Variants in NCS1 observed in about 807,000 individuals in gnomAD.
The protein encoded by NCS1 is neuronal calcium sensor 1, also known as frequenin homolog.
In NCS1, 6 loss-of-function variants were observed where a neutral mutation model predicts 28.4. The observed-to-expected ratio is 0.21, with a 90% CI of 0.12 to 0.42. The LOEUF (loss-of-function observed/expected upper bound fraction) is 0.42, where lower values mean the gene tolerates loss of function less well. NCS1 is among the 10% of genes least tolerant of loss of function. The probability of loss-of-function intolerance (pLI) is 1.00; values close to 1 mark genes in which losing one functional copy is unlikely to be tolerated. For missense variants in NCS1, 131 were observed against 241.4 expected (o/e 0.54, Z 3.03); for synonymous variants, 86 against 99.3 (o/e 0.87, Z 0.79).
chr9:130,220,729 G>GTTTCTT (rs1180311297), intron 4 of NCS1, among the ~76,000 whole-genome samples: 2 of 151,672 alleles, frequency 1.3e-5, no homozygotes, highest in Non-Finnish European at 2.9e-5. Flanking sequence ...AGACCCTGCA[G>GTTTCTT]TTTCTTTTTC....
chr9:130,213,016 C>G (rs1038507561), intron 2 of NCS1, among the ~76,000 whole-genome samples: 1 of 152,156 alleles, frequency 6.6e-6, no homozygotes, highest in African/African-American at 2.4e-5. Context: ...GAGGCAGGCT[C>G]CCTCCTCCAC....
intron 1 of NCS1, among the ~76,000 whole-genome samples, chr9:130,178,483 C>T (rs1437995637): frequency 6.6e-6 from 1 of 152,198 alleles, no homozygotes; most frequent in Non-Finnish European, 1.5e-5. Flanking sequence ...GGACCCAGCT[C>T]CTGCTGCTCC....
rs1554913001 is a variant in NCS1 at position 130,235,992 on chromosome 9, G to A, written c.*3020G>A. 1 of 152,306 alleles carries A rather than the reference G, an allele frequency of 6.6e-6. No individual in the cohort carries two copies. Among genetic ancestry groups the A allele is most frequent in the African/African-American group, 2.4e-5 (1 of 41,460 alleles). 9.4% of individuals were successfully genotyped at this position (152,306 alleles called of 1,614,324 possible). ...ACTTTGTGTTGATGGTGACTTAGGA[G>A]AATGTTCCGATTTTCCATGATCTAA... On this transcript the variant is annotated 3_prime_UTR_variant, in exon 8 of 8. Coordinates refer to ENST00000372398, the MANE Select transcript of NCS1 (RefSeq NM_014286.4).
chr9:130,219,689 G>A lies in NCS1; in HGVS notation c.229-36G>A. 1.2e-6 allele frequency: 2 copies of A among 1,607,288 alleles called. No individual in the cohort carries two copies. The highest frequency in any genetic ancestry group is 1.7e-6 in the Non-Finnish European group (2 of 1,173,836). Reference sequence around the variant, plus strand: ...TCAGCCTGACCCGGTGGCCTGGCCGGCACTGACTGAGGCAATCCCCTCTCT... The same window carrying A: ...TCAGCCTGACCCGGTGGCCTGGCCGACACTGACTGAGGCAATCCCCTCTCT... On this transcript the variant is annotated intron_variant, in intron 3 of 7. Coordinates refer to ENST00000372398, the MANE Select transcript of NCS1 (RefSeq NM_014286.4). This position sits in a 1 kb window ranked among gnomAD's most constrained non-coding sequence, Gnocchi z 5.7.
chr9:130,182,748 C>T (rs1426843396), intron 1 of NCS1, among the ~76,000 whole-genome samples: 1 of 152,246 alleles, frequency 6.6e-6, no homozygotes, highest in African/African-American at 2.4e-5. Context: ...GTACCGCCAT[C>T]TTACGGTGCT....
intron 1 of NCS1, among the ~76,000 whole-genome samples, chr9:130,187,896 G>A (rs1353244853): frequency 6.6e-6 from 1 of 152,252 alleles, no homozygotes; most frequent in Non-Finnish European, 1.5e-5. Flanking sequence ...AGGCCACACA[G>A]CTTTGTGTCT....
chr9:130,185,573 C>T (rs1398209244), intron 1 of NCS1, among the ~76,000 whole-genome samples: 2 of 152,184 alleles, frequency 1.3e-5, no homozygotes, highest in African/African-American at 2.4e-5. Context: ...GGGTCCAAGC[C>T]GCCAGCCAGC....
chr9:130,176,879 T>G (rs975941210), intron 1 of NCS1, among the ~76,000 whole-genome samples: 5 of 152,212 alleles, frequency 3.3e-5, no homozygotes, highest in Non-Finnish European at 7.3e-5. Flanking sequence ...CTGCATCCCC[T>G]TAAAGGCTTC....
chr9:130,186,525 C>T lies in NCS1; in HGVS notation c.64+13798C>T, dbSNP rs991241696. 3.3e-5 allele frequency among the ~76,000 whole-genome samples: 5 copies of T among 151,968 alleles called. No homozygotes were observed. Among genetic ancestry groups the T allele is most frequent in the South Asian group, 2.1e-4 (1 of 4,816 alleles). On this transcript the variant is annotated intron_variant, in intron 1 of 7. Transcript: ENST00000372398. The surrounding 1 kb of genome is among the most constrained non-coding windows in gnomAD (Gnocchi z 4.1). ...TTGCGGGGAGGGTTTGTGTGGGGGACGATGAGAGTGCTTCAGGCAGCAGGA... is the reference window on the plus strand; with the variant it reads ...TTGCGGGGAGGGTTTGTGTGGGGGATGATGAGAGTGCTTCAGGCAGCAGGA...
At chr9:130,208,233 G>A (rs531221593) in intron 2 of NCS1, among the ~76,000 whole-genome samples, 1 of 102,690 alleles carries the variant, frequency 9.7e-6, no homozygotes, top group South Asian at 4.0e-4. Context: ...GTGGGGGTGG[G>A]GGGCGGGTGT....
chr9:130,224,350 C>G (rs1460412989), intron 6 of NCS1, among the ~76,000 whole-genome samples: 2 of 146,966 alleles, frequency 1.4e-5, no homozygotes, highest in Non-Finnish European at 3.0e-5. Context: ...GGAGATCGCG[C>G]CATTGCACTC....
chr9:130,191,737 C>G lies in NCS1; in HGVS notation c.65-9221C>G, dbSNP rs1173739745. Among the ~76,000 whole-genome samples the G allele has an allele frequency of 2.0e-5, 3 of 152,268 alleles. No homozygotes were observed. Among genetic ancestry groups the G allele is most frequent in the Non-Finnish European group, 4.4e-5 (3 of 68,050 alleles). On this transcript the variant is annotated intron_variant, in intron 1 of 7. Coordinates refer to ENST00000372398, the MANE Select transcript of NCS1 (RefSeq NM_014286.4). The surrounding 1 kb of genome is among the most constrained non-coding windows in gnomAD (Gnocchi z 6.4). ...GGCGACAGTGGCCGTCACAGCTGCT[C>G]ACTGCTGCACATGGCGGTCTGATGG...
intron 2 of NCS1, among the ~76,000 whole-genome samples, chr9:130,216,831 G>A (rs1554909455): frequency 1.3e-5 from 2 of 151,882 alleles, no homozygotes; most frequent in South Asian, 2.1e-4. Context: ...GCTAATAGCC[G>A]GTGTTGGTGA....
Position 130,236,760 on chromosome 9 carries a change from C to T in NCS1, c.*3788C>T, listed in dbSNP as rs1833600768. On this transcript the variant is annotated 3_prime_UTR_variant, in exon 8 of 8. Coordinates refer to ENST00000372398, the MANE Select transcript of NCS1 (RefSeq NM_014286.4). The stretch of plus-strand genomic sequence containing the variant: ...TGTTGTCCCTGTTCCTGCAGTGGCT[C>T]CCGGCCCCAGGGAGGCCCACCTCAC... 6.6e-6 allele frequency: 1 copy of T among 152,312 alleles called. No homozygotes were observed. Among genetic ancestry groups the T allele is most frequent in the Non-Finnish European group, 1.5e-5 (1 of 68,118 alleles). The allele number at this position is 152,312 out of a possible 1,614,324, so 9.4% of individuals were successfully genotyped here. A position where few individuals can be genotyped will look rare whatever the true frequency, so the allele number is the denominator to read the frequency against.
At chr9:130,199,098 CT>C (rs10712829) in intron 1 of NCS1, among the ~76,000 whole-genome samples, 103,410 of 145,072 alleles carry the variant, frequency 0.71, 36,928 homozygotes, top group East Asian at 0.92. Flanking sequence ...CTCTCTTTCT[CT>C]TTTTTTTTTT....
chr9:130,186,398 T>C lies in NCS1; in HGVS notation c.64+13671T>C, dbSNP rs150641726. Among the ~76,000 whole-genome samples the C allele has an allele frequency of 7.1e-4, 108 of 152,296 alleles. No homozygotes were observed. The highest frequency in any genetic ancestry group is 2.6e-3 in the African/African-American group (106 of 41,556). On this transcript the variant is annotated intron_variant, in intron 1 of 7. Transcript: ENST00000372398. The surrounding 1 kb of genome is among the most constrained non-coding windows in gnomAD (Gnocchi z 4.1). ...GACCCGGGGCTAGGGTTGCCAGACA[T>C]ACTGAAAAATGATTTGCTGTTTACC...
At chr9:130,202,864 G>A (rs544764836) in intron 2 of NCS1, among the ~76,000 whole-genome samples, 1 of 152,160 alleles carries the variant, frequency 6.6e-6, no homozygotes, top group East Asian at 1.9e-4. Flanking sequence ...ACAGGAGTGA[G>A]CCACTGCACG....
In NCS1 at chr9:130,209,353, C is replaced by T. The variant is rs1254186269; in HGVS notation, c.89+8371C>T. ...GAGAGTGGCAAATTCGGGGGAAGTC[C>T]TAGAGGACCGGGGCGTTTGGGAGAC... is the stretch of plus-strand genomic sequence containing the variant. On this transcript the variant is annotated intron_variant, in intron 2 of 7. Transcript: ENST00000372398. This position sits in a 1 kb window ranked among gnomAD's most constrained non-coding sequence, Gnocchi z 4.4. Among the ~76,000 whole-genome samples, 4 of 152,168 alleles carry T rather than the reference C, an allele frequency of 2.6e-5. No individual in the cohort carries two copies. Among genetic ancestry groups the T allele is most frequent in the African/African-American group, 9.7e-5 (4 of 41,436 alleles).
At chr9:130,198,178 G>C (rs1832899658) in intron 1 of NCS1, among the ~76,000 whole-genome samples, 1 of 152,216 alleles carries the variant, frequency 6.6e-6, no homozygotes, top group Non-Finnish European at 1.5e-5. Context: ...GGTTCTGTGG[G>C]GGGACCTTTC....
Sources: gnomAD v4.1 joint callset for allele counts (sites outside exome capture counted in the v4.1 genomes callset) on GRCh38, gnomAD v4.1.1 for gene constraint, Gnocchi (gnomAD v3.1) non-coding constraint, MANE v1.5 for transcripts, NCBI Gene and HGNC (gene_info 2026-07-23, HGNC 2026-07-21) for gene names.